The following KHDRBS2 variants were observed in gnomAD, a reference collection of about 807,000 sequenced individuals.
KHDRBS2 encodes KH RNA binding domain containing, signal transduction associated 2, also known as KH domain-containing, RNA-binding, signal transduction-associated protein 2.
A neutral mutation model predicts 44.3 loss-of-function variants in KHDRBS2; 26 were observed. The ratio of observed to expected loss-of-function variants is 0.59; its 90% CI spans 0.43 to 0.81. KHDRBS2 has a LOEUF of 0.81. Among genes scored for constraint, KHDRBS2 ranks in the 40% least tolerant of loss-of-function variants. The pLI is 0.00. For missense variants in KHDRBS2, 476 were observed against 433.1 expected (o/e 1.10, Z -0.88); for synonymous variants, 194 against 151.1 (o/e 1.28, Z -2.08).
intron 6 of KHDRBS2, among the ~76,000 whole-genome samples, chr6:61,838,800 C>T (rs1437380130): frequency 1.3e-5 from 2 of 152,062 alleles, no homozygotes; most frequent in South Asian, 4.1e-4. Flanking sequence ...TGCTTACCTT[C>T]AATTCACTTT....
intron 6 of KHDRBS2, among the ~76,000 whole-genome samples, chr6:61,862,653 G>A (rs373223983): frequency 1.6e-4 from 25 of 151,974 alleles, no homozygotes; most frequent in African/African-American, 4.6e-4. Flanking sequence ...CCAACCTTGC[G>A]TCCTGAAGAT....
intron 4 of KHDRBS2, among the ~76,000 whole-genome samples, chr6:61,921,835 G>T (rs1351541813): frequency 2.6e-5 from 4 of 151,924 alleles, no homozygotes; most frequent in Non-Finnish European, 4.4e-5. Flanking sequence ...TCTCTAAAAA[G>T]GAATTATTGT....
intron 8 of KHDRBS2, among the ~76,000 whole-genome samples, chr6:61,691,258 T>C (rs1011533624): frequency 5.3e-5 from 8 of 152,082 alleles, no homozygotes; most frequent in Non-Finnish European, 7.4e-5. Flanking sequence ...AATACAAGCA[T>C]TGATGTAGTG....
chr6:61,615,414 T>G, the KHDRBS2 span, among the ~76,000 whole-genome samples: 5 of 152,106 alleles, frequency 3.3e-5, no homozygotes, highest in Admixed American at 6.5e-5. Flanking sequence ...TTTGCTCACT[T>G]TATTTGAGAT....
chr6:62,258,984 T>C (rs1837889564), intron 1 of KHDRBS2, among the ~76,000 whole-genome samples: 2 of 151,916 alleles, frequency 1.3e-5, no homozygotes, highest in Middle Eastern at 3.2e-3. Context: ...AAAAGGGAAA[T>C]TGTTCTTCTC....
chr6:62,237,667 C>T (rs957573962), intron 1 of KHDRBS2, among the ~76,000 whole-genome samples: 5 of 152,028 alleles, frequency 3.3e-5, no homozygotes, highest in African/African-American at 1.2e-4. Context: ...AGAAAATATA[C>T]CAGTCATTCC....
At chr6:61,883,427 C>T (rs1800485865) in intron 6 of KHDRBS2, among the ~76,000 whole-genome samples, 1 of 151,962 alleles carries the variant, frequency 6.6e-6, no homozygotes, top group South Asian at 2.1e-4. Flanking sequence ...CTATTTTCAT[C>T]CTTGTAAGTG....
chr6:61,769,642 G>A (rs527816311), intron 6 of KHDRBS2, among the ~76,000 whole-genome samples: 43 of 152,250 alleles, frequency 2.8e-4, no homozygotes, highest in South Asian at 8.3e-4. Context: ...GGCGGCGCCC[G>A]CCATTGCCGA....
At chr6:61,589,713 T>C in the KHDRBS2 span, among the ~76,000 whole-genome samples, 1 of 152,170 alleles carries the variant, frequency 6.6e-6, no homozygotes, top group Non-Finnish European at 1.5e-5. Flanking sequence ...ATGTCTTCCT[T>C]GCCCCAAGTA....
At chr6:61,929,622 T>G (rs747725727) in intron 4 of KHDRBS2, among the ~76,000 whole-genome samples, 19 of 152,160 alleles carry the variant, frequency 1.2e-4, no homozygotes, top group Non-Finnish European at 1.6e-4. Flanking sequence ...CAAAGAGAGA[T>G]AAAATTGCTT....
the KHDRBS2 span, among the ~76,000 whole-genome samples, chr6:61,585,155 C>T: frequency 1.8e-4 from 28 of 151,822 alleles, no homozygotes; most frequent in Non-Finnish European, 1.5e-5. Context: ...TTACTTAAAA[C>T]CCATTGTGGA....
At chr6:61,866,228 T>G (rs1227733496) in intron 6 of KHDRBS2, among the ~76,000 whole-genome samples, 1 of 152,216 alleles carries the variant, frequency 6.6e-6, no homozygotes, top group Admixed American at 6.5e-5. Flanking sequence ...AACTTCTACC[T>G]GGACATTCAG....
At chr6:62,118,865 A>C (rs1806928784) in intron 2 of KHDRBS2, among the ~76,000 whole-genome samples, 1 of 152,192 alleles carries the variant, frequency 6.6e-6, no homozygotes, top group African/African-American at 2.4e-5. Flanking sequence ...CTGAAGGCTG[A>C]ACTGTCAGTT....
At chr6:62,064,917 A>T (rs1343519832) in intron 2 of KHDRBS2, among the ~76,000 whole-genome samples, 6 of 151,016 alleles carry the variant, frequency 4.0e-5, no homozygotes, top group South Asian at 2.1e-4. Context: ...TCTACAATGA[A>T]CTCAAACAAA....
At chr6:61,608,213 T>C in the KHDRBS2 span, among the ~76,000 whole-genome samples, 3 of 151,942 alleles carry the variant, frequency 2.0e-5, no homozygotes, top group African/African-American at 7.3e-5. Flanking sequence ...GCTATATCAG[T>C]CTAACATTTC....
Position 61,756,489 on chromosome 6 carries a change from A to G in KHDRBS2, c.811-23725T>C, listed in dbSNP as rs555518309. Among the ~76,000 whole-genome samples the G allele has an allele frequency of 3.3e-5, 5 of 152,162 alleles. No homozygotes were observed. The East Asian group carries it at 5.8e-4, about 18-fold the overall frequency. On this transcript the variant is annotated intron_variant, in intron 6 of 8. Coordinates refer to ENST00000281156, the MANE Select transcript of KHDRBS2 (RefSeq NM_152688.4). The stretch of plus-strand genomic sequence containing the variant: ...TGACCAGGCTGGTCTCGAACTCTTG[A>G]CCTCAAGTGATCCGCCAGCCTTGGC...
At chr6:61,672,368 G>T in the KHDRBS2 span, among the ~76,000 whole-genome samples, 1 of 151,938 alleles carries the variant, frequency 6.6e-6, no homozygotes, top group African/African-American at 2.4e-5. Context: ...CCCAGTAATG[G>T]GATGGCTGGG....
intron 6 of KHDRBS2, among the ~76,000 whole-genome samples, chr6:61,790,694 C>G (rs1046515728): frequency 6.6e-6 from 1 of 151,562 alleles, no homozygotes; most frequent in Non-Finnish European, 1.5e-5. Flanking sequence ...ATTTTTGCAT[C>G]TGTGCTTATG....
chr6:61,827,717 CTCTT>C (rs1044112648), intron 6 of KHDRBS2, among the ~76,000 whole-genome samples: 2 of 152,142 alleles, frequency 1.3e-5, no homozygotes, highest in African/African-American at 4.8e-5. Flanking sequence ...GGTGAGGACT[CTCTT>C]TCTGGCCTGC....
Sources: allele counts gnomAD v4.1 joint callset (sites outside exome capture counted in the v4.1 genomes callset), GRCh38; gene constraint gnomAD v4.1.1; transcripts MANE v1.5; gene names NCBI Gene and HGNC (gene_info 2026-07-23, HGNC 2026-07-21).